CDH18: variants seen among roughly 807,000 people sequenced by gnomAD.
CDH18 encodes the protein cadherin 18.
In CDH18, 31 loss-of-function variants were observed where a neutral mutation model predicts 67.9. The ratio of observed to expected loss-of-function variants is 0.46; its 90% confidence interval spans 0.34 to 0.62. The LOEUF is 0.62. Ranked by LOEUF, CDH18 falls within the 20% of genes least tolerant of loss-of-function variation. The pLI is 0.01. For synonymous variants in CDH18, 362 were observed against 347.2 expected (o/e 1.04, Z -0.48); for missense variants, 890 against 975.5 (o/e 0.91, Z 1.17).
intron 2 of CDH18, among the ~76,000 whole-genome samples, chr5:20,023,352 T>C (rs1738589212): frequency 6.6e-6 from 1 of 152,258 alleles, no homozygotes; most frequent in South Asian, 2.1e-4. Flanking sequence ...TTGTTTATAT[T>C]GTTCATTGGC....
chr5:19,748,124 AAAAAAAAAAG>A lies in CDH18; in HGVS notation c.229-898_229-889del, dbSNP rs1770341964. ...CGAGACTCCATCTCAAAAAAAAAAA[AAAAAAAAAAG>A]AGTACTTTTTTAGGGATAGAGTATT... is the stretch of plus-strand genomic sequence containing the variant. On this transcript the variant is annotated intron_variant, in intron 3 of 12. Transcript: ENST00000382275. 9.7e-5 allele frequency among the ~76,000 whole-genome samples: 14 copies of A among 144,048 alleles called. 3 individuals carry two copies. In the South Asian group the frequency reaches 3.2e-3, roughly 33 times the overall value. 94.5% of individuals were successfully genotyped at this position (144,048 alleles called of 152,430 possible).
intron 3 of CDH18, among the ~76,000 whole-genome samples, chr5:19,820,344 C>A (rs975414277): frequency 6.6e-6 from 1 of 152,114 alleles, no homozygotes; most frequent in African/African-American, 2.4e-5. Flanking sequence ...CTGGAGTAGA[C>A]AACAGAGGGA....
At chr5:20,111,983 G>A (rs1747520772) in intron 2 of CDH18, among the ~76,000 whole-genome samples, 2 of 152,146 alleles carry the variant, frequency 1.3e-5, no homozygotes, top group Non-Finnish European at 2.9e-5. Context: ...ATGTTTTACA[G>A]TATACTATCA....
intron 4 of CDH18, among the ~76,000 whole-genome samples, chr5:19,744,582 T>C (rs1743997185): frequency 1.3e-5 from 2 of 152,008 alleles, no homozygotes; most frequent in Admixed American, 6.6e-5. Context: ...TTCCTCTCTG[T>C]TATTTTCCTT....
At chr5:19,678,526 G>A (rs936067695) in intron 5 of CDH18, among the ~76,000 whole-genome samples, 2 of 151,836 alleles carry the variant, frequency 1.3e-5, no homozygotes, top group African/African-American at 2.4e-5. Context: ...ACATCAAAGA[G>A]CTAGAAAGAT....
At chr5:19,893,716 A>G (rs1000054271) in intron 2 of CDH18, among the ~76,000 whole-genome samples, 1 of 152,102 alleles carries the variant, frequency 6.6e-6, no homozygotes, top group African/African-American at 2.4e-5. Context: ...CTATTTAAGG[A>G]AGATTTATGG....
chr5:20,439,450 A>AAC (rs35650640), intron 1 of CDH18, among the ~76,000 whole-genome samples: 31,729 of 145,180 alleles, frequency 0.22, 3,653 homozygotes, highest in East Asian at 0.3. Context: ...ACACAAGATA[A>AAC]ACACACACAC....
At chr5:20,364,763 A>G (rs942419878) in intron 1 of CDH18, among the ~76,000 whole-genome samples, 2 of 152,218 alleles carry the variant, frequency 1.3e-5, no homozygotes, top group Non-Finnish European at 1.5e-5. Context: ...ATGCACATGC[A>G]TAAATAGGAT....
At chr5:20,341,804 G>A (rs1740287038) in intron 1 of CDH18, among the ~76,000 whole-genome samples, 1 of 151,784 alleles carries the variant, frequency 6.6e-6, no homozygotes. Context: ...GATGTGAACT[G>A]TTTAGAGAGT....
intron 1 of CDH18, among the ~76,000 whole-genome samples, chr5:20,468,018 T>G (rs1751777191): frequency 6.6e-6 from 1 of 151,690 alleles, no homozygotes; most frequent in African/African-American, 2.4e-5. Flanking sequence ...ATTTATTTAT[T>G]TATTTATTAT....
intron 5 of CDH18, among the ~76,000 whole-genome samples, chr5:19,622,500 T>C (rs929533145): frequency 2.0e-5 from 3 of 152,194 alleles, no homozygotes; most frequent in Non-Finnish European, 2.9e-5. Context: ...CTGGGTCTAT[T>C]TGCCTTCTCC....
At chr5:19,565,929 G>A (rs886324242) in intron 8 of CDH18, among the ~76,000 whole-genome samples, 4 of 151,628 alleles carry the variant, frequency 2.6e-5, no homozygotes, top group Admixed American at 6.6e-5. Context: ...AATGGAAAGC[G>A]ACAACCCACA....
chr5:20,358,107 A>G (rs1741780155), intron 1 of CDH18, among the ~76,000 whole-genome samples: 1 of 152,180 alleles, frequency 6.6e-6, no homozygotes, highest in East Asian at 1.9e-4. Flanking sequence ...AAGCGTACAC[A>G]TTGACATAAA....
intron 2 of CDH18, among the ~76,000 whole-genome samples, chr5:20,031,934 T>A (rs888382093): frequency 6.6e-6 from 1 of 151,896 alleles, no homozygotes. Context: ...GTGTCCAACA[T>A]CTGTAACAAT....
At chr5:20,228,208 G>T (rs1410493969) in intron 2 of CDH18, among the ~76,000 whole-genome samples, 1 of 151,818 alleles carries the variant, frequency 6.6e-6, no homozygotes, top group African/African-American at 2.4e-5. Flanking sequence ...AACAGAACTT[G>T]CAATGTCATA....
chr5:19,890,923 G>A (rs1174223319), intron 2 of CDH18, among the ~76,000 whole-genome samples: 1 of 152,144 alleles, frequency 6.6e-6, no homozygotes, highest in African/African-American at 2.4e-5. Flanking sequence ...ACCAGTTTCT[G>A]AGTGAATGTG....
At chr5:20,069,935 T>C (rs1045170420) in intron 2 of CDH18, among the ~76,000 whole-genome samples, 2 of 152,140 alleles carry the variant, frequency 1.3e-5, no homozygotes, top group South Asian at 2.1e-4. Flanking sequence ...GTCCATAGTT[T>C]AGGGTTCATT....
chr5:20,127,206 T>C (rs1748909312), intron 2 of CDH18, among the ~76,000 whole-genome samples: 1 of 151,394 alleles, frequency 6.6e-6, no homozygotes, highest in Admixed American at 6.6e-5. Context: ...CTTCCCCCTT[T>C]TCTCTTTCTC....
chr5:20,548,974 C>A (rs1644179959), intron 1 of CDH18, among the ~76,000 whole-genome samples: 1 of 152,066 alleles, frequency 6.6e-6, no homozygotes, highest in African/African-American at 2.4e-5. Context: ...AATCCATTCA[C>A]ATTTGGAGAG....
Sources: gnomAD v4.1 joint callset for allele counts (sites outside exome capture counted in the v4.1 genomes callset) on GRCh38, gnomAD v4.1.1 for gene constraint, MANE v1.5 for transcripts, NCBI Gene and HGNC (gene_info 2026-07-23, HGNC 2026-07-21) for gene names.